JAKMIP1: variants seen among roughly 807,000 people sequenced by gnomAD.
JAKMIP1 encodes the protein janus kinase and microtubule interacting protein 1.
In JAKMIP1, 33 loss-of-function variants were observed where a neutral mutation model predicts 113.0. The ratio of observed to expected loss-of-function variants is 0.29; its 90% CI spans 0.22 to 0.39. The LOEUF (loss-of-function observed/expected upper bound fraction) is 0.39, where lower values mean the gene tolerates loss of function less well. Among genes scored for constraint, JAKMIP1 ranks in the 10% least tolerant of loss-of-function variants. JAKMIP1 has a pLI of 1.00. For missense variants in JAKMIP1, 813 were observed against 1,080.5 expected (o/e 0.75, Z 3.47); for synonymous variants, 480 against 459.9 (o/e 1.04, Z -0.56).
chr4:6,058,922 A>C (rs1457782431), intron 11 of JAKMIP1, among the ~76,000 whole-genome samples: 1 of 152,198 alleles, frequency 6.6e-6, no homozygotes. Flanking sequence ...AAAAAGCCTT[A>C]TCATCTCGCA....
rs148499772 is a variant in JAKMIP1, at chr4:6,162,224, G to T, written c.-148+38029C>A. 6.6e-6 allele frequency among the ~76,000 whole-genome samples: 1 copy of T among 152,168 alleles called. No homozygotes were observed. The highest frequency in any genetic ancestry group is 2.4e-5 in the African/African-American group (1 of 41,444). ...CAGTGGGAGCGACTGCAGACCACTG[G>T]TCTTATGAGGAATGGGACCTCTCAG... On this transcript the variant is annotated intron_variant, in intron 1 of 20. Transcript: ENST00000409021. This position sits in a 1 kb window ranked among gnomAD's most constrained non-coding sequence, Gnocchi z 5.6.
rs529241424 is a variant in JAKMIP1, at chr4:6,061,070, C to T, written c.1561-563G>A. Among the ~76,000 whole-genome samples, 100 of 152,322 alleles carry T rather than the reference C, an allele frequency of 6.6e-4. No homozygotes were observed. Among genetic ancestry groups the T allele is most frequent in the African/African-American group, 2.2e-3 (92 of 41,588 alleles). ...GGGACTGTGGCAAGCCAGAGGCACA[C>T]GTCCCATCTCAGGGAGACACTGCTA... On this transcript the variant is annotated intron_variant, in intron 10 of 20. Coordinates refer to ENST00000409021, the MANE Select transcript of JAKMIP1 (RefSeq NM_001099433.2). The surrounding 1 kb of genome is among the most constrained non-coding windows in gnomAD (Gnocchi z 5.3).
intron 19 of JAKMIP1, among the ~76,000 whole-genome samples, chr4:6,034,534 G>A (rs955191328): frequency 5.3e-5 from 8 of 152,182 alleles, no homozygotes; most frequent in Middle Eastern, 3.2e-3. Context: ...GGGCACGGTG[G>A]CTCACTCTTA....
At chr4:6,109,307 A>G (rs996656770) in intron 2 of JAKMIP1, among the ~76,000 whole-genome samples, 2 of 151,370 alleles carry the variant, frequency 1.3e-5, no homozygotes, top group Admixed American at 1.3e-4. Flanking sequence ...TAATTTTTTT[A>G]TATTTTTAGT....
At chr4:6,082,003 A>G (rs1257790702) in intron 5 of JAKMIP1, among the ~76,000 whole-genome samples, 1 of 152,192 alleles carries the variant, frequency 6.6e-6, no homozygotes. Context: ...GCATAGTGGT[A>G]GTCTCCCAGT....
At chr4:6,104,739 G>A (rs1713616263) in intron 3 of JAKMIP1, among the ~76,000 whole-genome samples, 1 of 152,172 alleles carries the variant, frequency 6.6e-6, no homozygotes, top group African/African-American at 2.4e-5. Flanking sequence ...TACGTCCAGT[G>A]AGGGCATGGG....
chr4:6,127,987 A>C (rs573130124), intron 1 of JAKMIP1, among the ~76,000 whole-genome samples: 6 of 152,240 alleles, frequency 3.9e-5, no homozygotes, highest in Admixed American at 3.9e-4. Flanking sequence ...TCTCTGGGTA[A>C]CACCTGCTAT....
intron 8 of JAKMIP1, among the ~76,000 whole-genome samples, chr4:6,072,566 C>G (rs537503621): frequency 2.0e-5 from 3 of 152,298 alleles, no homozygotes; most frequent in South Asian, 4.2e-4. Context: ...CCAACCGAGG[C>G]CAGCCCTGTA....
At chr4:6,191,729 C>T (rs899446653) in intron 1 of JAKMIP1, among the ~76,000 whole-genome samples, 3 of 152,022 alleles carry the variant, frequency 2.0e-5, no homozygotes, top group Non-Finnish European at 4.4e-5. Flanking sequence ...ATGCACGCCA[C>T]GTGTAATTTC....
In JAKMIP1 at chr4:6,065,144, G is replaced by A. The variant is rs1388048572; in HGVS notation, c.1303-136C>T. The A allele has an allele frequency of 1.8e-6, 2 of 1,088,950 alleles. No homozygotes were observed. Among genetic ancestry groups the A allele is most frequent in the African/African-American group, 1.5e-5 (1 of 64,948 alleles). The allele number at this position is 1,088,950 out of a possible 1,614,324, so 67.5% of individuals were successfully genotyped here. ...ACTGGGGCATCACAAGATGCGGTTG[G>A]TGGGCTTCGTAACTGACTGGGTGGG... On this transcript the variant is annotated intron_variant, in intron 8 of 20. Coordinates refer to ENST00000409021, the MANE Select transcript of JAKMIP1 (RefSeq NM_001099433.2). This position sits in a 1 kb window ranked among gnomAD's most constrained non-coding sequence, Gnocchi z 5.1.
At chr4:6,036,676 G>A (rs551375121) in intron 18 of JAKMIP1, among the ~76,000 whole-genome samples, 1 of 152,200 alleles carries the variant, frequency 6.6e-6, no homozygotes, top group Non-Finnish European at 1.5e-5. Flanking sequence ...GGGGATCCTT[G>A]TGAAAGCTGA....
chr4:6,093,617 C>T lies in JAKMIP1; in HGVS notation c.625-7988G>A, dbSNP rs16838273. On this transcript the variant is annotated intron_variant, in intron 3 of 20. Transcript: ENST00000409021. This position sits in a 1 kb window ranked among gnomAD's most constrained non-coding sequence, Gnocchi z 4.6. ...TCAAATTCTTATGCAAAACAGTCAC[C>T]TCATAAAGGTCAGCAGTCTCTTGAA... 1.4e-3 allele frequency among the ~76,000 whole-genome samples: 214 copies of T among 152,254 alleles called. 2 individuals are homozygous for T. In the East Asian group the frequency reaches 0.037, roughly 26 times the overall value.
chr4:6,094,175 C>T lies in JAKMIP1; in HGVS notation c.625-8546G>A, dbSNP rs1722490475. On this transcript the variant is annotated intron_variant, in intron 3 of 20. Transcript: ENST00000409021. The surrounding 1 kb of genome is among the most constrained non-coding windows in gnomAD (Gnocchi z 4.2). ...TCAGTTCATGAGTTTTAAAAACAAC[C>T]ATTATGGTTTTATAAAAGCATAAAA... Among the ~76,000 whole-genome samples the T allele has an allele frequency of 6.6e-6, 1 of 152,154 alleles. No individual in the cohort carries two copies. Among genetic ancestry groups the T allele is most frequent in the African/African-American group, 2.4e-5 (1 of 41,438 alleles).
intron 19 of JAKMIP1, 142 bp downstream of exon 19, chr4:6,035,762 T>C (rs1713337330): frequency 1.4e-6 from 1 of 704,056 alleles, no homozygotes; most frequent in East Asian, 2.8e-5. Context: ...ATCTATGAAA[T>C]CTTGCTTCTT....
chr4:6,109,124 C>CTTTT (rs71173408), intron 2 of JAKMIP1, among the ~76,000 whole-genome samples: 13 of 96,884 alleles, frequency 1.3e-4, no homozygotes, highest in Admixed American at 2.1e-4. Context: ...CCTGGGGCAC[C>CTTTT]TTTTTTTTTT....
At position 6,199,179 on chromosome 4, in the gene JAKMIP1, G is replaced by C. The variant is rs1455486152; in HGVS notation, c.-148+1074C>G. On this transcript the variant is annotated intron_variant, in intron 1 of 20. Coordinates refer to ENST00000409021, the MANE Select transcript of JAKMIP1 (RefSeq NM_001099433.2). This position sits in a 1 kb window ranked among gnomAD's most constrained non-coding sequence, Gnocchi z 5.6. ...GACAGTGTGCCTGCGAGTGTGCGCA[G>C]ATGGGGCGGGCGGCGGAGGAGGGCT... is the stretch of plus-strand genomic sequence containing the variant. Among the ~76,000 whole-genome samples, 1 of 152,264 alleles carries C rather than the reference G, an allele frequency of 6.6e-6. No homozygotes were observed. Among genetic ancestry groups the C allele is most frequent in the Non-Finnish European group, 1.5e-5 (1 of 68,046 alleles).
chr4:6,100,261 G>A (rs183058534), intron 3 of JAKMIP1, among the ~76,000 whole-genome samples: 38 of 152,206 alleles, frequency 2.5e-4, no homozygotes, highest in Admixed American at 1.3e-3. Context: ...ACTAGTCCCC[G>A]TCAGCCACTA....
intron 18 of JAKMIP1, among the ~76,000 whole-genome samples, chr4:6,039,612 T>C (rs35340029): frequency 0.28 from 42,973 of 152,020 alleles, 9,893 homozygotes; most frequent in African/African-American, 0.64. Flanking sequence ...ACTACTGAAA[T>C]GTCGTGTAAC....
At chr4:6,133,279 A>G (rs1718771176) in intron 1 of JAKMIP1, among the ~76,000 whole-genome samples, 1 of 152,186 alleles carries the variant, frequency 6.6e-6, no homozygotes, top group African/African-American at 2.4e-5. Flanking sequence ...CTCCATTGAT[A>G]ATGGGGATGG....
Sources: allele counts gnomAD v4.1 joint callset (sites outside exome capture counted in the v4.1 genomes callset), GRCh38; gene constraint gnomAD v4.1.1; non-coding constraint Gnocchi (gnomAD v3.1); transcripts MANE v1.5; gene names NCBI Gene and HGNC (gene_info 2026-07-23, HGNC 2026-07-21).